TMC3: variants seen among roughly 807,000 people sequenced by gnomAD.
TMC3 encodes transmembrane channel-like protein 3.
In TMC3, 98 loss-of-function variants were observed where a neutral mutation model predicts 110.6. The observed-to-expected ratio is 0.89, with a 90% CI of 0.75 to 1.05. The LOEUF (loss-of-function observed/expected upper bound fraction) is 1.05, where lower values mean the gene tolerates loss of function less well. Among genes scored for constraint, TMC3 ranks in the 50% least tolerant of loss-of-function variants. The pLI, the probability that TMC3 is intolerant of heterozygous loss-of-function variation, is 0.00. For synonymous variants in TMC3, 489 were observed against 513.1 expected, an observed-to-expected ratio of 0.95 and a Z score of 0.63; for missense variants, 1,319 against 1,373.2, an observed-to-expected ratio of 0.96 and a Z score of 0.62.
At chr15:81,335,849 GC>G (rs1893582131) in intron 20 of TMC3, 1 of 152,334 alleles carries the variant, frequency 6.6e-6, no homozygotes, top group Non-Finnish European at 1.5e-5. Context: ...AGACTTCTAC[GC>G]CACATGCTTC....
intron 2 of TMC3, among the ~76,000 whole-genome samples, chr15:81,369,769 T>G (rs4304982): frequency 2.0e-5 from 3 of 151,520 alleles, no homozygotes; most frequent in Non-Finnish European, 4.4e-5. Context: ...ACAAAAATAT[T>G]AAAAAAATTA....
In TMC3 at chr15:81,350,104, AC is replaced by A. The variant is rs548807563; in HGVS notation, c.1084-538del. On this transcript the variant is annotated intron_variant, in intron 10 of 21. Coordinates refer to ENST00000359440, the MANE Select transcript of TMC3 (RefSeq NM_001080532.3). ...TCTACCAAAAAAAAAAAAAAGTGGC[AC>A]ATGCCTATGGTCCCAGCTTGTTGGG... 1.2e-3 allele frequency among the ~76,000 whole-genome samples: 187 copies of A among 150,516 alleles called. 1 individual carries two copies. The highest frequency in any genetic ancestry group is 4.2e-3 in the African/African-American group (173 of 40,706).
Position 81,336,634 on chromosome 15 carries a change from C to A in TMC3, c.2178G>T (p.Lys726Asn), listed in dbSNP as rs1284743627. Residue 726 changes from lysine (K) to asparagine (N), a missense_variant, in exon 20 of 22, where the codon AAG becomes AAT. By Grantham distance (94) the Lys-to-Asn change is moderately conservative. Transcript: ENST00000359440. ...MQIQNARSED[K>N]KKVAQMVEAR... ...CTTCTACCATCTGGGCAACCTTTTT[C>A]TTATCCTCTGATCTTGCCTAAAATG... 6.2e-7 allele frequency: 1 copy of A among 1,613,890 alleles called. No homozygotes were observed. The highest frequency in any genetic ancestry group is 1.1e-5 in the South Asian group (1 of 91,080).
intron 16 of TMC3, among the ~76,000 whole-genome samples, chr15:81,340,744 T>C (rs573958952): frequency 7.9e-5 from 12 of 152,326 alleles, no homozygotes; most frequent in African/African-American, 2.6e-4. Flanking sequence ...GTCCCAGCAA[T>C]TGCATTCCTA....
intron 21 of TMC3, 61 bp downstream of exon 21, chr15:81,334,659 T>G: frequency 6.4e-7 from 1 of 1,558,146 alleles, no homozygotes; most frequent in Middle Eastern, 1.9e-4. Context: ...CTCCTGAAGC[T>G]GCAGAGGCCT....
rs1385834618 is a variant in TMC3, at chr15:81,334,942, T to C, written c.2237A>G (p.Lys746Arg). Residue 746 changes from lysine (K) to arginine (R), a missense_variant, in exon 21 of 22, where the codon AAG becomes AGG. By Grantham distance (26) the Lys-to-Arg change is conservative. Transcript: ENST00000359440. ...GGTAAGATCACTGTCGTTTGGAAGC[T>C]TCTTGGTGCTTTCTTCCTGGGTCTG... ...RIQTQEESTK[K>R]LPNDSDLTSQ... is the part of the protein sequence containing the mutation. 1 of 1,613,994 alleles carries C rather than the reference T, an allele frequency of 6.2e-7. No homozygotes were observed.
At chr15:81,349,197 C>T (rs1893888743) in intron 11 of TMC3, among the ~76,000 whole-genome samples, 1 of 151,966 alleles carries the variant, frequency 6.6e-6, no homozygotes, top group African/African-American at 2.4e-5. Context: ...TCTCCTCCTC[C>T]TCTTCTTCCT....
At chr15:81,366,956 A>G (rs943980054) in intron 3 of TMC3, among the ~76,000 whole-genome samples, 1 of 152,200 alleles carries the variant, frequency 6.6e-6, no homozygotes, top group Non-Finnish European at 1.5e-5. Flanking sequence ...AATAATCAAC[A>G]TTGGTGCAGG....
At chr15:81,349,835 C>T (rs1447077238) in intron 10 of TMC3, among the ~76,000 whole-genome samples, 2 of 149,078 alleles carry the variant, frequency 1.3e-5, no homozygotes, top group Non-Finnish European at 3.0e-5. Context: ...TTCACTAGGC[C>T]AGGTGCTGTG....
chr15:81,357,435 C>T (rs1450328592), intron 7 of TMC3, among the ~76,000 whole-genome samples: 1 of 151,806 alleles, frequency 6.6e-6, no homozygotes, highest in Admixed American at 6.6e-5. Flanking sequence ...CCAGCTTTTC[C>T]CCGGGATTTG....
chr15:81,346,507 C>T, intron 11 of TMC3, 64 bp from the exon 12 acceptor site: 1 of 1,501,544 alleles, frequency 6.7e-7, no homozygotes, highest in South Asian at 1.2e-5. Flanking sequence ...GTTCTAGAGC[C>T]CCCACATGGT....
intron 5 of TMC3, among the ~76,000 whole-genome samples, 172 bp downstream of exon 5, chr15:81,359,193 A>T (rs934948280): frequency 3.9e-5 from 6 of 152,236 alleles, no homozygotes; most frequent in Non-Finnish European, 8.8e-5. Flanking sequence ...CAAGTAGCCC[A>T]TGAAGCCTAA....
intron 20 of TMC3, among the ~76,000 whole-genome samples, chr15:81,336,358 G>A (rs1893594494): frequency 6.6e-6 from 1 of 152,128 alleles, no homozygotes; most frequent in Non-Finnish European, 1.5e-5. Flanking sequence ...AGGCCAAGGT[G>A]GGTGGATCAT....
At chr15:81,371,824 A>T (rs1894439960) in intron 2 of TMC3, among the ~76,000 whole-genome samples, 1 of 152,230 alleles carries the variant, frequency 6.6e-6, no homozygotes, top group African/African-American at 2.4e-5. Context: ...GTCTGAGAGC[A>T]ATCAGGGATT....
Position 81,358,409 on chromosome 15 carries a change from G to T in TMC3, c.593C>A (p.Ser198Tyr), listed in dbSNP as rs754730435. 1 of 1,613,396 alleles carries T rather than the reference G, an allele frequency of 6.2e-7. No homozygotes were observed. The highest frequency in any genetic ancestry group is 8.5e-7 in the Non-Finnish European group (1 of 1,179,550). The change falls in exon 6 of 22, where the codon TCT becomes TAT. Residue 198 changes from serine (S) to tyrosine (Y), a missense_variant. Transcript: ENST00000359440. Reference sequence around the variant, plus strand: ...GCCAAGCATCAATCTCACCCCCAGAGACCAGACGGTGTCCAGGTCTTGGGC... The same window carrying T: ...GCCAAGCATCAATCTCACCCCCAGATACCAGACGGTGTCCAGGTCTTGGGC... Reference protein sequence around the residue: ...SSAQDLDTVWSLGGYLQYSVL... With the variant: ...SSAQDLDTVWYLGGYLQYSVL...
At chr15:81,336,785 C>T in intron 19 of TMC3, 134 bp from the exon 20 acceptor site, 1 of 881,268 alleles carries the variant, frequency 1.1e-6, no homozygotes, top group Non-Finnish European at 1.8e-6. Context: ...ACTATTGCCC[C>T]CTATGGACGG....
intron 9 of TMC3, among the ~76,000 whole-genome samples, chr15:81,352,096 C>T (rs1893964909): frequency 6.6e-6 from 1 of 152,164 alleles, no homozygotes; most frequent in South Asian, 2.1e-4. Context: ...AAATAAACGC[C>T]TCTTGTTTTA....
chr15:81,369,104 A>G (rs1894380139), intron 2 of TMC3, among the ~76,000 whole-genome samples: 1 of 151,918 alleles, frequency 6.6e-6, no homozygotes, highest in African/African-American at 2.4e-5. Context: ...CCTCTGCTTG[A>G]TTATGTTCAG....
chr15:81,333,088 C>G lies in TMC3; in HGVS notation c.2634G>C (p.Gln878His). The change falls in exon 22 of 22, where the codon CAG (glutamine) becomes CAC (histidine). Residue 878 changes from glutamine (Q) to histidine (H), a missense_variant. By Grantham distance (24) the Gln-to-His change is conservative. Coordinates refer to ENST00000359440, the MANE Select transcript of TMC3 (RefSeq NM_001080532.3). ...ATCTGGGGGCGTGGGGCCTGGGACC[C>G]TGTGCCAGCAAAGTCGAGGCCTGTG... The part of the protein sequence containing the change: ...RGPQASTLLA[Q>H]GPRPHAPRYY... The G allele has an allele frequency of 6.2e-7, 1 of 1,614,006 alleles. No homozygotes were observed. The highest frequency in any genetic ancestry group is 8.5e-7 in the Non-Finnish European group (1 of 1,179,892).
Sources: gnomAD v4.1 joint callset for allele counts (sites outside exome capture counted in the v4.1 genomes callset) on GRCh38, gnomAD v4.1.1 for gene constraint, MANE v1.5 for transcripts, NCBI Gene and HGNC (gene_info 2026-07-23, HGNC 2026-07-21) for gene names.